The following CASZ1 variants were observed in gnomAD, a reference collection of about 807,000 sequenced individuals.
The protein encoded by CASZ1 is zinc finger protein castor homolog 1.
A neutral mutation model predicts 135.2 loss-of-function variants in CASZ1; 28 were observed. The observed-to-expected ratio is 0.21, with a 90% CI of 0.15 to 0.28. The LOEUF is 0.28. CASZ1 is among the 10% of genes least tolerant of loss of function. CASZ1 has a pLI of 1.00. For synonymous variants in CASZ1, 1,068 were observed against 1,073.4 expected (o/e 0.99, Z 0.10); for missense variants, 2,161 against 2,453.3 (o/e 0.88, Z 2.52).
chr1:10,639,375 A>G lies in CASZ1; in HGVS notation c.4847T>C (p.Leu1616Pro), dbSNP rs763302650. 2.6e-6 allele frequency: 4 copies of G among 1,540,944 alleles called. No homozygotes were observed. Among genetic ancestry groups the G allele is most frequent in the Admixed American group, 2.0e-5 (1 of 50,490 alleles). The change falls in exon 21 of 21, where the codon CTG becomes CCG. Residue 1616 changes from leucine to proline, a missense_variant. Coordinates refer to ENST00000377022, the MANE Select transcript of CASZ1 (RefSeq NM_001079843.3). The surrounding 1 kb of genome is among the most constrained non-coding windows in gnomAD (Gnocchi z 4.0). ...GGCGCCCAGCGACAGGGAGCCGTCC[A>G]GACTGATGGGAGGCCCGGGCGCGGG... ...EGPAPGPPIS[L>P]DGSLSLGAEP...
chr1:10,783,933 A>G (rs963948899), intron 1 of CASZ1, among the ~76,000 whole-genome samples: 11 of 147,998 alleles, frequency 7.4e-5, no homozygotes, highest in Middle Eastern at 3.3e-3. Context: ...GGTGGTCCCC[A>G]TTTTTCAAGT....
At position 10,741,811 on chromosome 1, in the gene CASZ1, T is replaced by C. The variant is rs886626718; in HGVS notation, c.-77+18890A>G. ...ATATTTATATATATATATAGTTATATATTAACAAACCTGATTCGAATCTCA... is the reference window on the plus strand; with the variant it reads ...ATATTTATATATATATATAGTTATACATTAACAAACCTGATTCGAATCTCA... On this transcript the variant is annotated intron_variant, in intron 2 of 20. Transcript: ENST00000377022. This position sits in a 1 kb window ranked among gnomAD's most constrained non-coding sequence, Gnocchi z 5.0. Among the ~76,000 whole-genome samples, 16 of 152,104 alleles carry C rather than the reference T, an allele frequency of 1.1e-4. No individual in the cohort carries two copies. Among genetic ancestry groups the C allele is most frequent in the African/African-American group, 3.6e-4 (15 of 41,432 alleles).
chr1:10,794,146 C>A lies in CASZ1; in HGVS notation c.-234+2418G>T, dbSNP rs565727779. Among the ~76,000 whole-genome samples the A allele has an allele frequency of 1.1e-4, 16 of 150,858 alleles. No homozygotes were observed. The highest frequency in any genetic ancestry group is 3.6e-4 in the African/African-American group (15 of 41,150). On this transcript the variant is annotated intron_variant, in intron 1 of 20. Transcript: ENST00000377022. This position sits in a 1 kb window ranked among gnomAD's most constrained non-coding sequence, Gnocchi z 5.6. ...TTTAGGACGGCGACGTGTGTGTGTG[C>A]GCGTGTGTGTGCGTGTTTGTATGTG... is the stretch of plus-strand genomic sequence containing the variant.
At position 10,666,777 on chromosome 1, in the gene CASZ1, G is replaced by A. The variant is rs978146450; in HGVS notation, c.17-1206C>T. Among the ~76,000 whole-genome samples, 1 of 152,190 alleles carries A rather than the reference G, an allele frequency of 6.6e-6. No homozygotes were observed. Among genetic ancestry groups the A allele is most frequent in the African/African-American group, 2.4e-5 (1 of 41,454 alleles). ...CCTGGGACCTGCCACAAAGGCTGGCGAGGGTGGACACACACACACGCACAC... is the reference window on the plus strand; with the variant it reads ...CCTGGGACCTGCCACAAAGGCTGGCAAGGGTGGACACACACACACGCACAC... On this transcript the variant is annotated intron_variant, in intron 4 of 20. Coordinates refer to ENST00000377022, the MANE Select transcript of CASZ1 (RefSeq NM_001079843.3). The surrounding 1 kb of genome is among the most constrained non-coding windows in gnomAD (Gnocchi z 5.2).
At position 10,727,851 on chromosome 1, in the gene CASZ1, C is replaced by A. The variant is rs1395015951; in HGVS notation, c.-76-22307G>T. On this transcript the variant is annotated intron_variant, in intron 2 of 20. Transcript: ENST00000377022. The surrounding 1 kb of genome is among the most constrained non-coding windows in gnomAD (Gnocchi z 5.3). ...GTGGAGCCCCTGGCTAGTGGCCAGA[C>A]AGCATGTATGAGTGTTGGGGGTGAG... Among the ~76,000 whole-genome samples, 1 of 152,200 alleles carries A rather than the reference C, an allele frequency of 6.6e-6. No homozygotes were observed. The highest frequency in any genetic ancestry group is 2.4e-5 in the African/African-American group (1 of 41,452).
chr1:10,740,435 C>G (rs1365836438), intron 2 of CASZ1, among the ~76,000 whole-genome samples: 2 of 152,194 alleles, frequency 1.3e-5, no homozygotes, highest in Admixed American at 1.3e-4. Context: ...CTGGCTTATG[C>G]CTGTGTAACA....
In CASZ1 at chr1:10,788,489, A is replaced by G. The variant is rs1045328563; in HGVS notation, c.-234+8075T>C. Among the ~76,000 whole-genome samples, 4 of 152,186 alleles carry G rather than the reference A, an allele frequency of 2.6e-5. No homozygotes were observed. Among genetic ancestry groups the G allele is most frequent in the Admixed American group, 1.3e-4 (2 of 15,284 alleles). On this transcript the variant is annotated intron_variant, in intron 1 of 20. Coordinates refer to ENST00000377022, the MANE Select transcript of CASZ1 (RefSeq NM_001079843.3). This position sits in a 1 kb window ranked among gnomAD's most constrained non-coding sequence, Gnocchi z 4.1. Reference sequence around the variant, plus strand: ...GATCTGCGAAACCCCTCAAAGTATAAGCAACATTTATGCTTACGAGATTTT... The same window carrying G: ...GATCTGCGAAACCCCTCAAAGTATAGGCAACATTTATGCTTACGAGATTTT...
rs142112201 is a variant in CASZ1 at position 10,686,338 on chromosome 1, C to A, written c.16+7536G>T. Among the ~76,000 whole-genome samples, 256 of 152,344 alleles carry A rather than the reference C, an allele frequency of 1.7e-3. 1 individual carries two copies. Among genetic ancestry groups the A allele is most frequent in the African/African-American group, 5.9e-3 (245 of 41,582 alleles). On this transcript the variant is annotated intron_variant, in intron 4 of 20. Coordinates refer to ENST00000377022, the MANE Select transcript of CASZ1 (RefSeq NM_001079843.3). ...GCTCAAACCAATGTCAGAAATCATC[C>A]CCCGCCCCTACCAAGGGAGCACGAG...
intron 2 of CASZ1, among the ~76,000 whole-genome samples, chr1:10,746,144 C>A (rs770188050): frequency 2.6e-5 from 4 of 152,236 alleles, no homozygotes; most frequent in African/African-American, 9.6e-5. Context: ...ACATACTGTT[C>A]CCGCTGTCCA....
chr1:10,647,685 G>T lies in CASZ1; in HGVS notation c.3497+116C>A. 6.5e-7 allele frequency: 1 copy of T among 1,530,814 alleles called. No individual in the cohort carries two copies. The highest frequency in any genetic ancestry group is 8.7e-7 in the Non-Finnish European group (1 of 1,145,458). 94.8% of individuals were successfully genotyped at this position (1,530,814 alleles called of 1,614,324 possible). Reference sequence around the variant, plus strand: ...TCACCCGATGGCCATGCCCCAGAGAGGCTGGGGACAGCAGCACCATCCGCA... The same window carrying T: ...TCACCCGATGGCCATGCCCCAGAGATGCTGGGGACAGCAGCACCATCCGCA... On this transcript the variant is annotated intron_variant, in intron 16 of 20. Coordinates refer to ENST00000377022, the MANE Select transcript of CASZ1 (RefSeq NM_001079843.3). This position sits in a 1 kb window ranked among gnomAD's most constrained non-coding sequence, Gnocchi z 4.9.
intron 1 of CASZ1, among the ~76,000 whole-genome samples, chr1:10,765,619 C>T (rs1468663074): frequency 6.6e-6 from 1 of 152,194 alleles, no homozygotes; most frequent in Admixed American, 6.5e-5. Context: ...TGGCATCTCA[C>T]GGCTTCAGGT....
chr1:10,685,344 A>C (rs1275380238), intron 4 of CASZ1, among the ~76,000 whole-genome samples: 1 of 152,224 alleles, frequency 6.6e-6, no homozygotes, highest in Non-Finnish European at 1.5e-5. Flanking sequence ...CACCTGCCCC[A>C]TGAACCCGCT....
intron 20 of CASZ1, among the ~76,000 whole-genome samples, chr1:10,641,280 C>A (rs555641386): frequency 6.6e-6 from 1 of 152,366 alleles, no homozygotes; most frequent in Admixed American, 6.5e-5. Flanking sequence ...GTCACAGGGT[C>A]TGGTTATGCC....
intron 2 of CASZ1, among the ~76,000 whole-genome samples, chr1:10,715,861 A>G (rs1264179420): frequency 9.2e-6 from 1 of 108,232 alleles, no homozygotes; most frequent in Non-Finnish European, 1.8e-5. Context: ...CGCAGCACCC[A>G]ATCCTCTCCC....
In CASZ1 at chr1:10,638,454, A is replaced by C. The variant is rs1642067974; in HGVS notation, c.*488T>G. On this transcript the variant is annotated 3_prime_UTR_variant, in exon 21 of 21. Coordinates refer to ENST00000377022, the MANE Select transcript of CASZ1 (RefSeq NM_001079843.3). This position sits in a 1 kb window ranked among gnomAD's most constrained non-coding sequence, Gnocchi z 5.9. ...GGTCCCTGTAGTGTCACCCGTGCTG[A>C]CTGCCTTCTGCCCGTCTCCCCCTGG... The C allele has an allele frequency of 6.6e-6, 1 of 151,938 alleles. No homozygotes were observed. Among genetic ancestry groups the C allele is most frequent in the Non-Finnish European group, 1.5e-5 (1 of 67,974 alleles). The allele number at this position is 151,938 out of a possible 1,614,324, so 9.4% of individuals were successfully genotyped here.
chr1:10,673,982 G>A (rs751220781), intron 4 of CASZ1, among the ~76,000 whole-genome samples: 10 of 152,216 alleles, frequency 6.6e-5, no homozygotes, highest in Non-Finnish European at 1.2e-4. Flanking sequence ...CCCTGCCACC[G>A]CAGTGCCTGG....
intron 20 of CASZ1, among the ~76,000 whole-genome samples, chr1:10,641,062 C>T (rs914631217): frequency 6.6e-6 from 1 of 152,210 alleles, no homozygotes; most frequent in Non-Finnish European, 1.5e-5. Context: ...CTGCCTGGCT[C>T]CCCCAGAGCC....
Position 10,679,364 on chromosome 1 carries a change from C to T in CASZ1, c.17-13793G>A, listed in dbSNP as rs571253512. On this transcript the variant is annotated intron_variant, in intron 4 of 20. Coordinates refer to ENST00000377022, the MANE Select transcript of CASZ1 (RefSeq NM_001079843.3). The surrounding 1 kb of genome is among the most constrained non-coding windows in gnomAD (Gnocchi z 4.7). The stretch of plus-strand genomic sequence containing the variant: ...CCAGCAGGCGGAAACACTCCCAACC[C>T]CGGACTTAGGCCCCTGTCAGAATAG... Among the ~76,000 whole-genome samples, 1 of 152,288 alleles carries T rather than the reference C, an allele frequency of 6.6e-6. No individual in the cohort carries two copies. The highest frequency in any genetic ancestry group is 2.1e-4 in the South Asian group (1 of 4,826).
intron 1 of CASZ1, among the ~76,000 whole-genome samples, chr1:10,763,793 C>T (rs530038970): frequency 1.1e-4 from 17 of 152,354 alleles, no homozygotes; most frequent in African/African-American, 3.6e-4. Flanking sequence ...TAGTCCCTGA[C>T]TTCAGGTCAG....
Sources: gnomAD v4.1 joint callset for allele counts (sites outside exome capture counted in the v4.1 genomes callset) on GRCh38, gnomAD v4.1.1 for gene constraint, Gnocchi (gnomAD v3.1) non-coding constraint, MANE v1.5 for transcripts, NCBI Gene and HGNC (gene_info 2026-07-23, HGNC 2026-07-21) for gene names.